NOS2: variants seen among roughly 807,000 people sequenced by gnomAD.
NOS2 encodes the protein nitric oxide synthase 2, also known as nitric oxide synthase, inducible.
NOS2 carries 96 observed loss-of-function variants against 136.0 expected under a neutral mutation model. That is an observed-to-expected ratio of 0.71 (90% confidence interval 0.60 to 0.84). NOS2 has a LOEUF of 0.84. Among genes scored for constraint, NOS2 ranks in the 40% least tolerant of loss-of-function variants. NOS2 has a pLI of 0.00. For missense variants in NOS2, 1,237 were observed against 1,496.9 expected (o/e 0.83, Z 2.87); for synonymous variants, 539 against 587.5 (o/e 0.92, Z 1.20).
chr17:27,769,650 T>G, intron 15 of NOS2, 66 bp from the exon 16 acceptor site: 1 of 1,417,592 alleles, frequency 7.1e-7, no homozygotes, highest in Non-Finnish European at 1.0e-6. Context: ...TTTTCCTTTC[T>G]TCTGGAAACC....
intron 9 of NOS2, 47 bp downstream of exon 9, chr17:27,780,720 G>A: frequency 1.2e-6 from 2 of 1,613,516 alleles, no homozygotes; most frequent in Non-Finnish European, 1.7e-6. Flanking sequence ...AAGGAGAAGG[G>A]CTGTGTGTTG....
chr17:27,771,836 C>A (rs1908505629), intron 14 of NOS2, among the ~76,000 whole-genome samples: 1 of 152,236 alleles, frequency 6.6e-6, no homozygotes, highest in South Asian at 2.1e-4. Context: ...ACTGTCAGAT[C>A]CTCAGAGCCC....
Position 27,779,071 on chromosome 17 carries a change from G to A in NOS2, c.1005-15C>T. ...ACCACTCGTATCTGGCAAAAAGGTAGACACAATTTAACTGGGGCCTTCCTT... is the reference window on the plus strand; with the variant it reads ...ACCACTCGTATCTGGCAAAAAGGTAAACACAATTTAACTGGGGCCTTCCTT... On this transcript the variant is annotated splice_polypyrimidine_tract_variant and intron_variant, in intron 9 of 26. Transcript: ENST00000313735. 6.9e-7 allele frequency: 1 copy of A among 1,457,500 alleles called. No homozygotes were observed. The highest frequency in any genetic ancestry group is 1.6e-5 in the South Asian group (1 of 63,664). 90.3% of individuals were successfully genotyped at this position (1,457,500 alleles called of 1,614,324 possible). A position where few individuals can be genotyped will look rare whatever the true frequency, so the allele number is the denominator to read the frequency against.
intron 14 of NOS2, among the ~76,000 whole-genome samples, chr17:27,771,492 G>C (rs1295128188): frequency 6.6e-6 from 1 of 152,228 alleles, no homozygotes; most frequent in Non-Finnish European, 1.5e-5. Context: ...CAGACTCCTG[G>C]GAGCCAGCAG....
chr17:27,759,237 G>A (rs1319626908), intron 25 of NOS2, among the ~76,000 whole-genome samples, 162 bp from the exon 26 acceptor site: 1 of 152,224 alleles, frequency 6.6e-6, no homozygotes, highest in Non-Finnish European at 1.5e-5. Context: ...AGGATGAGGT[G>A]CATGGATGCC....
At chr17:27,775,230 T>A (rs1342569840) in intron 11 of NOS2, among the ~76,000 whole-genome samples, 1 of 151,904 alleles carries the variant, frequency 6.6e-6, no homozygotes, top group Admixed American at 6.6e-5. Flanking sequence ...GAGGCCGAGG[T>A]GGGAGGACTG....
In NOS2 at chr17:27,779,019, C is replaced by T. The variant is rs200623027; in HGVS notation, c.1042G>A (p.Ala348Thr). Residue 348 changes from alanine (A) to threonine (T), a missense_variant, in exon 10 of 27, where the codon GCC becomes ACC. Physicochemically the swap from Ala to Thr is moderately conservative, Grantham distance 58. This residue lies in a region of NOS2 where 440 missense variants were observed against 545.4 expected (regional missense o/e 0.81). Coordinates refer to ENST00000313735, the MANE Select transcript of NOS2 (RefSeq NM_000625.4). The part of the protein sequence containing the change: ...WFRELELKWY[A>T]LPAVANMLLE... ...AGCATGTTGGCCACTGCAGGCAGGG[C>T]GTACCACTTTAGCTCCAGTTCCCGA... The T allele has an allele frequency of 1.1e-5, 18 of 1,591,662 alleles. No homozygotes were observed. The highest frequency in any genetic ancestry group is 2.3e-5 in the South Asian group (2 of 88,446).
chr17:27,790,248 C>T (rs1283249444), intron 2 of NOS2, among the ~76,000 whole-genome samples: 1 of 152,164 alleles, frequency 6.6e-6, no homozygotes, highest in Non-Finnish European at 1.5e-5. Flanking sequence ...CGCACACCAC[C>T]ACACCTGGCT....
At chr17:27,788,966 C>T (rs764987892) in intron 3 of NOS2, 35 bp from the exon 4 acceptor site, 2 of 1,607,764 alleles carry the variant, frequency 1.2e-6, no homozygotes, top group Admixed American at 3.4e-5. Flanking sequence ...TCTCTCAGGT[C>T]TCTCCTAGAC....
At chr17:27,772,089 T>C (rs1368807618) in intron 14 of NOS2, among the ~76,000 whole-genome samples, 1 of 152,218 alleles carries the variant, frequency 6.6e-6, no homozygotes, top group Non-Finnish European at 1.5e-5. Flanking sequence ...TGTGAAAGTG[T>C]TTCTCAAACT....
chr17:27,779,301 T>C (rs1354955274), intron 9 of NOS2, among the ~76,000 whole-genome samples: 2 of 87,098 alleles, frequency 2.3e-5, no homozygotes, highest in African/African-American at 4.2e-5. Flanking sequence ...ATTATTATTA[T>C]TATTATTATT....
At chr17:27,770,439 T>A (rs369452379) in intron 15 of NOS2, among the ~76,000 whole-genome samples, 49 of 152,192 alleles carry the variant, frequency 3.2e-4, no homozygotes, top group African/African-American at 1.1e-3. Context: ...TGAGCTGAGA[T>A]CGCACCATTG....
chr17:27,797,655 G>A (rs904959702), intron 2 of NOS2, among the ~76,000 whole-genome samples: 6 of 152,240 alleles, frequency 3.9e-5, no homozygotes, highest in Admixed American at 2.6e-4. Flanking sequence ...GTGTGGCTAT[G>A]TGGTGGTCTT....
Position 27,789,632 on chromosome 17 carries a change from G to C in NOS2, c.167C>G (p.Ser56Cys). The C allele has an allele frequency of 1.2e-6, 2 of 1,614,048 alleles. No homozygotes were observed. The highest frequency in any genetic ancestry group is 1.7e-6 in the Non-Finnish European group (2 of 1,179,902). ...TCCCGTCTCCACGAGGGGCTGCGGG[G>C]ACTCATTCTGCTGCTTGCTGAGGTT... ...YHNLSKQQNESPQPLVETGKK... is the reference protein window; with the variant it reads ...YHNLSKQQNECPQPLVETGKK... The change falls in exon 3 of 27, where the codon TCC becomes TGC. Residue 56 changes from serine (S) to cysteine (C), a missense_variant. Physicochemically the swap from Ser to Cys is moderately radical, Grantham distance 112. Transcript: ENST00000313735.
chr17:27,791,761 G>A lies in NOS2; in HGVS notation c.111-2073C>T, dbSNP rs1043425339. Reference sequence around the variant, plus strand: ...AACACACCTGGTCTAGACTGGTGTGGCCTGCCAGAAAAAAACAAAACAAAA... The same window carrying A: ...AACACACCTGGTCTAGACTGGTGTGACCTGCCAGAAAAAAACAAAACAAAA... On this transcript the variant is annotated intron_variant, in intron 2 of 26. Transcript: ENST00000313735. Among the ~76,000 whole-genome samples the A allele has an allele frequency of 7.6e-5, 7 of 91,988 alleles. No individual in the cohort carries two copies. In the South Asian group the frequency reaches 2.4e-3, roughly 31 times the overall value. 60.3% of individuals were successfully genotyped at this position (91,988 alleles called of 152,430 possible).
intron 15 of NOS2, among the ~76,000 whole-genome samples, 186 bp downstream of exon 15, chr17:27,770,727 G>C (rs1908463664): frequency 6.6e-6 from 1 of 152,152 alleles, no homozygotes; most frequent in Admixed American, 6.5e-5. Flanking sequence ...ATATGTCATA[G>C]GAAAGGTGGC....
intron 4 of NOS2, among the ~76,000 whole-genome samples, chr17:27,788,202 A>G (rs1253277231): frequency 6.6e-6 from 1 of 151,804 alleles, no homozygotes. Context: ...GCGTGCACAC[A>G]CACACACACA....
intron 19 of NOS2, 100 bp downstream of exon 19, chr17:27,766,410 C>T (rs1908304326): frequency 3.7e-6 from 4 of 1,087,528 alleles, no homozygotes; most frequent in Admixed American, 1.7e-5. Context: ...CCAGCATATG[C>T]TCTTCTCCTC....
At chr17:27,764,288 G>T (rs574491725) in intron 20 of NOS2, 144 bp from the exon 21 acceptor site, 3 of 520,254 alleles carry the variant, frequency 5.8e-6, no homozygotes, top group Non-Finnish European at 1.0e-5. Flanking sequence ...AGAGCAAAAG[G>T]CAGGAAGAAG....
Sources: allele counts gnomAD v4.1 joint callset (sites outside exome capture counted in the v4.1 genomes callset), GRCh38; gene constraint gnomAD v4.1.1; regional missense constraint gnomAD v4.1.1; transcripts MANE v1.5; gene names NCBI Gene and HGNC (gene_info 2026-07-23, HGNC 2026-07-21).